The following TPH1 variants were observed in gnomAD, a reference collection of about 807,000 sequenced individuals.
TPH1 encodes the protein tryptophan 5-hydroxylase 1.
In TPH1, 37 loss-of-function variants were observed where a neutral mutation model predicts 49.5. The ratio of observed to expected loss-of-function variants is 0.75; its 90% CI spans 0.58 to 0.98. The LOEUF (loss-of-function observed/expected upper bound fraction) is 0.98. Ranked by LOEUF, TPH1 falls within the 50% of genes least tolerant of loss-of-function variation. The probability of loss-of-function intolerance (pLI) is 0.00; values close to 1 mark genes in which losing one functional copy is unlikely to be tolerated. For missense variants in TPH1, 487 were observed against 523.6 expected (o/e 0.93, Z 0.68); for synonymous variants, 160 against 182.1 (o/e 0.88, Z 0.98).
intron 2 of TPH1, among the ~76,000 whole-genome samples, chr11:18,039,027 C>T (rs1848073492): frequency 6.6e-6 from 1 of 152,032 alleles, no homozygotes; most frequent in Admixed American, 6.5e-5. Flanking sequence ...CATAAACTCA[C>T]CACCAAAAAA....
chr11:18,024,514 C>T (rs183980729), intron 8 of TPH1, among the ~76,000 whole-genome samples: 1 of 152,236 alleles, frequency 6.6e-6, no homozygotes, highest in Admixed American at 6.5e-5. Flanking sequence ...ATGCGGTTAT[C>T]TAGTTAGAAA....
intron 3 of TPH1, 88 bp downstream of exon 3, chr11:18,035,871 T>C: frequency 8.7e-7 from 1 of 1,150,834 alleles, no homozygotes. Context: ...TTGTGTTTTA[T>C]TATTTTAATG....
intron 2 of TPH1, among the ~76,000 whole-genome samples, chr11:18,037,373 A>AT (rs1198554857): frequency 2.6e-5 from 4 of 151,866 alleles, no homozygotes; most frequent in South Asian, 4.2e-4. Context: ...AAAAAAAAAA[A>AT]ATATTATCAG....
chr11:18,024,104 C>A (rs1854394660), intron 8 of TPH1, 121 bp from the exon 9 acceptor site: 1 of 750,082 alleles, frequency 1.3e-6, no homozygotes, highest in African/African-American at 1.7e-5. Flanking sequence ...GTCTAGTTCA[C>A]AAGTCTTTCT....
intron 6 of TPH1, among the ~76,000 whole-genome samples, chr11:18,028,493 G>A (rs1312110252): frequency 6.6e-6 from 1 of 152,174 alleles, no homozygotes; most frequent in Non-Finnish European, 1.5e-5. Flanking sequence ...CTTTACTTTA[G>A]AGTCGCACAG....
chr11:18,026,340 C>A, intron 7 of TPH1, 150 bp downstream of exon 7: 1 of 752,366 alleles, frequency 1.3e-6, no homozygotes, highest in Admixed American at 3.1e-5. Flanking sequence ...TATTTCATGC[C>A]AGGTACCATT....
chr11:18,045,477 C>A (rs966434748), intron 1 of TPH1, among the ~76,000 whole-genome samples: 2 of 150,940 alleles, frequency 1.3e-5, no homozygotes, highest in Non-Finnish European at 2.9e-5. Flanking sequence ...GAATTCCACC[C>A]CCCCCTTTTT....
chr11:18,023,138 C>G, intron 9 of TPH1: 1 of 546,452 alleles, frequency 1.8e-6, no homozygotes, highest in East Asian at 3.2e-5. Context: ...CCCCCAAGAT[C>G]CTCTCCATGG....
rs1310416526 is a variant in TPH1, at chr11:18,019,349, T to C, written c.*1642A>G. On this transcript the variant is annotated 3_prime_UTR_variant, in exon 11 of 11. Transcript: ENST00000682019. The stretch of plus-strand genomic sequence containing the variant: ...AAATGATTGAAAATACGATGTTTAA[T>C]ATACCATTAATGGAAATTAAATTAC... 1.6e-5 allele frequency: 3 copies of C among 191,760 alleles called. No individual in the cohort carries two copies. The highest frequency in any genetic ancestry group is 3.2e-5 in the Non-Finnish European group (3 of 92,680). 11.9% of individuals were successfully genotyped at this position (191,760 alleles called of 1,614,324 possible).
chr11:18,022,972 T>C (rs1317305214), intron 9 of TPH1, 41 bp from the exon 10 acceptor site: 31 of 1,607,976 alleles, frequency 1.9e-5, no homozygotes, highest in Non-Finnish European at 2.6e-5. Flanking sequence ...ATAATATCTA[T>C]TTTTCATAGA....
At chr11:18,040,350 T>G (rs927623587) in intron 2 of TPH1, among the ~76,000 whole-genome samples, 2 of 147,496 alleles carry the variant, frequency 1.4e-5, no homozygotes, top group Non-Finnish European at 3.0e-5. Context: ...ATTTATATAT[T>G]TTATCTATAT....
chr11:18,022,719 C>CTTG lies in TPH1; in HGVS notation c.1160+78_1160+79insCAA, dbSNP rs1854376659. 3.9e-6 allele frequency: 6 copies of CTTG among 1,529,698 alleles called. No homozygotes were observed. The South Asian group carries it at 6.9e-5, about 18-fold the overall frequency. The allele number at this position is 1,529,698 out of a possible 1,614,324, so 94.8% of individuals were successfully genotyped here. A position where few individuals can be genotyped will look rare whatever the true frequency, so the allele number is the denominator to read the frequency against. On this transcript the variant is annotated intron_variant, in intron 10 of 10. Transcript: ENST00000682019. ...TTGTGGGCTTCAAATTATCTAGCTG[C>CTTG]TTACTTCTGTGACTTGTTACCATAA... is the stretch of plus-strand genomic sequence containing the variant.
chr11:18,034,826 A>G (rs2134031721), intron 3 of TPH1, among the ~76,000 whole-genome samples: 1 of 152,150 alleles, frequency 6.6e-6, no homozygotes, highest in East Asian at 1.9e-4. Context: ...CTACCTGAGT[A>G]TCTGAAACTT....
At position 18,036,064 on chromosome 11, in the gene TPH1, A is replaced by G; in HGVS notation, c.196T>C (p.Cys66Arg). 2 of 1,612,838 alleles carry G rather than the reference A, an allele frequency of 1.2e-6. No individual in the cohort carries two copies. The highest frequency in any genetic ancestry group is 1.7e-6 in the Non-Finnish European group (2 of 1,179,418). ...TTCAATTGTTCTCTGTTGATGTCAC[A>G]GTCAACAAAAATCTCAAATTCTGAG... Reference protein sequence around the residue: ...RNSEFEIFVDCDINREQLNDI... With the variant: ...RNSEFEIFVDRDINREQLNDI... The change falls in exon 3 of 11, where the codon TGT (cysteine) becomes CGT (arginine). Residue 66 changes from cysteine to arginine, a missense_variant. Transcript: ENST00000682019.
chr11:18,030,245 CA>C (rs3216310), intron 4 of TPH1, among the ~76,000 whole-genome samples: 11 of 151,290 alleles, frequency 7.3e-5, no homozygotes, highest in East Asian at 5.8e-4. Context: ...CCTGTCTGTA[CA>C]AAAAAAATTT....
chr11:18,024,172 C>T (rs769888751), intron 8 of TPH1, among the ~76,000 whole-genome samples, 189 bp from the exon 9 acceptor site: 6 of 152,172 alleles, frequency 3.9e-5, no homozygotes, highest in Admixed American at 1.3e-4. Flanking sequence ...ATGACTTTTA[C>T]GTACTATTAA....
At chr11:18,025,515 C>A (rs538855754) in intron 8 of TPH1, 60 bp downstream of exon 8, 1 of 1,607,068 alleles carries the variant, frequency 6.2e-7, no homozygotes, top group Admixed American at 1.7e-5. Context: ...TACTTTTAAA[C>A]TACACAGATA....
Position 18,036,039 on chromosome 11 carries a change from T to C in TPH1, c.221A>G (p.Asn74Ser), listed in dbSNP as rs1848045587. 2 of 1,612,772 alleles carry C rather than the reference T, an allele frequency of 1.2e-6. No individual in the cohort carries two copies. Among genetic ancestry groups the C allele is most frequent in the Admixed American group, 1.7e-5 (1 of 60,008 alleles). ...VDCDINREQLNDIFHLLKSHT... is the reference protein window; with the variant it reads ...VDCDINREQLSDIFHLLKSHT... ...AGACTTCAGCAGATGAAAAATATCA[T>C]TCAATTGTTCTCTGTTGATGTCACA... Residue 74 changes from asparagine (N) to serine (S), a missense_variant, in exon 3 of 11, where the codon AAT (asparagine) becomes AGT (serine). Asn to Ser is a conservative substitution (Grantham distance 46). Coordinates refer to ENST00000682019, the MANE Select transcript of TPH1 (RefSeq NM_004179.3).
intron 9 of TPH1, 91 bp downstream of exon 9, chr11:18,023,797 A>G: frequency 1.1e-6 from 1 of 903,030 alleles, no homozygotes; most frequent in South Asian, 1.4e-5. Flanking sequence ...TATGTTCCAT[A>G]GTAAGCTCTT....
Sources: allele counts gnomAD v4.1 joint callset (sites outside exome capture counted in the v4.1 genomes callset), GRCh38; gene constraint gnomAD v4.1.1; transcripts MANE v1.5; gene names NCBI Gene and HGNC (gene_info 2026-07-23, HGNC 2026-07-21).